Variants in ACOXL observed in about 807,000 individuals in gnomAD.
ACOXL encodes the protein acyl-CoA oxidase like.
A neutral mutation model predicts 71.9 loss-of-function variants in ACOXL; 70 were observed. The observed-to-expected ratio is 0.97, with a 90% CI of 0.80 to 1.19. The LOEUF (loss-of-function observed/expected upper bound fraction) is 1.19, where lower values mean the gene tolerates loss of function less well. Among genes scored for constraint, ACOXL ranks in the 50% most tolerant of loss-of-function variants. The probability of loss-of-function intolerance (pLI) is 0.00; values close to 1 mark genes in which losing one functional copy is unlikely to be tolerated. For missense variants in ACOXL, 703 were observed against 736.3 expected (o/e 0.95, Z 0.52); for synonymous variants, 253 against 281.6 (o/e 0.90, Z 1.02).
intron 10 of ACOXL, among the ~76,000 whole-genome samples, chr2:110,885,579 A>C (rs577956889): frequency 3.3e-5 from 5 of 152,290 alleles, no homozygotes; most frequent in African/African-American, 1.2e-4. Context: ...GGAGAGCTTT[A>C]ATCTGCTTTA....
chr2:110,876,126 C>T (rs968237957), intron 10 of ACOXL, among the ~76,000 whole-genome samples: 4 of 152,220 alleles, frequency 2.6e-5, no homozygotes, highest in South Asian at 4.1e-4. Context: ...AAGGCTTGGA[C>T]GCATCCTCTG....
At chr2:110,821,656 G>T (rs900928087) in intron 9 of ACOXL, among the ~76,000 whole-genome samples, 21 of 152,008 alleles carry the variant, frequency 1.4e-4, no homozygotes, top group African/African-American at 5.1e-4. Flanking sequence ...CTTTTCATAC[G>T]ATCAGCCCAC....
chr2:110,960,129 C>T (rs2061646462), intron 12 of ACOXL, among the ~76,000 whole-genome samples: 1 of 152,050 alleles, frequency 6.6e-6, no homozygotes, highest in Admixed American at 6.5e-5. Context: ...AATGAGGGAG[C>T]CCCCATGGAG....
At chr2:110,881,719 G>A (rs572353569) in intron 10 of ACOXL, among the ~76,000 whole-genome samples, 1 of 152,178 alleles carries the variant, frequency 6.6e-6, no homozygotes, top group African/African-American at 2.4e-5. Context: ...TTTTATGTGG[G>A]TGGAAGAATA....
intron 1 of ACOXL, among the ~76,000 whole-genome samples, chr2:110,759,757 G>A (rs995203002): frequency 2.6e-5 from 4 of 151,940 alleles, no homozygotes; most frequent in African/African-American, 9.7e-5. Flanking sequence ...TTGTTATTTG[G>A]ATTATGTTTA....
intron 16 of ACOXL, among the ~76,000 whole-genome samples, chr2:111,063,697 GT>G (rs566802907): frequency 4.2e-4 from 64 of 152,254 alleles, no homozygotes; most frequent in South Asian, 1.0e-3. Flanking sequence ...ATTGAATGCT[GT>G]CCCCCTAACA....
intron 16 of ACOXL, among the ~76,000 whole-genome samples, chr2:111,053,569 T>G (rs2066400072): frequency 6.6e-6 from 1 of 152,226 alleles, no homozygotes. Context: ...AGACCCTCCC[T>G]GTCCCCACTC....
intron 15 of ACOXL, 49 bp downstream of exon 15, chr2:111,031,763 A>G (rs768375198): frequency 4.5e-6 from 7 of 1,561,742 alleles, no homozygotes; most frequent in Non-Finnish European, 6.2e-6. Flanking sequence ...TCAGGGGTCT[A>G]CGGGTCCCTG....
intron 10 of ACOXL, among the ~76,000 whole-genome samples, chr2:110,871,562 G>T (rs953022813): frequency 1.3e-5 from 2 of 152,018 alleles, no homozygotes; most frequent in African/African-American, 4.8e-5. Flanking sequence ...TGGCTCAACA[G>T]GAATCTTCAG....
intron 14 of ACOXL, among the ~76,000 whole-genome samples, chr2:111,022,649 A>G (rs2064822650): frequency 6.6e-6 from 1 of 152,102 alleles, no homozygotes. Flanking sequence ...TGTTCTGCCC[A>G]CATCAGCCAG....
intron 14 of ACOXL, among the ~76,000 whole-genome samples, chr2:111,029,820 C>T (rs1380209027): frequency 1.3e-5 from 2 of 152,136 alleles, no homozygotes; most frequent in Non-Finnish European, 2.9e-5. Context: ...GCTGGTAGGC[C>T]TTCAAGGGGC....
intron 1 of ACOXL, among the ~76,000 whole-genome samples, chr2:110,758,708 C>T (rs895338436): frequency 7.2e-5 from 11 of 152,006 alleles, no homozygotes; most frequent in Non-Finnish European, 8.8e-5. Context: ...TATTTCTTGT[C>T]TTCTGCTAGC....
At chr2:110,921,900 T>A (rs1251549735) in intron 11 of ACOXL, among the ~76,000 whole-genome samples, 2 of 152,250 alleles carry the variant, frequency 1.3e-5, no homozygotes, top group Non-Finnish European at 2.9e-5. Flanking sequence ...TATTTATAAC[T>A]GCTGTCATGG....
At chr2:110,784,882 T>G in intron 3 of ACOXL, 67 bp downstream of exon 3, 1 of 1,449,716 alleles carries the variant, frequency 6.9e-7, no homozygotes, top group Non-Finnish European at 9.4e-7. Flanking sequence ...GAATGAAAAC[T>G]ATAACCCCGT....
At chr2:110,890,633 A>C (rs187472873) in intron 10 of ACOXL, among the ~76,000 whole-genome samples, 68 of 152,346 alleles carry the variant, frequency 4.5e-4, no homozygotes, top group African/African-American at 1.6e-3. Flanking sequence ...ATATAAGGAT[A>C]TATTTCTAGA....
chr2:110,994,404 C>T (rs1025496833), intron 13 of ACOXL, among the ~76,000 whole-genome samples: 1 of 151,620 alleles, frequency 6.6e-6, no homozygotes, highest in African/African-American at 2.4e-5. Context: ...TGCTTCTTAA[C>T]GTTTCTCTCG....
In ACOXL at chr2:110,995,909, A is replaced by G. The variant is rs754888627; in HGVS notation, c.1186A>G (p.Met396Val). The change falls in exon 14 of 18, where the codon ATG (methionine) becomes GTG (valine). Residue 396 changes from methionine to valine, a missense_variant. Met to Val is a conservative substitution (Grantham distance 21). Coordinates refer to ENST00000439055, the MANE Select transcript of ACOXL (RefSeq NM_001142807.4). ...KLRTSFLAFN[M>V]DTVDDLAFLL... is the part of the protein sequence containing the mutation. ...TTCTTTCAGTTTCCTGGCATTTAAC[A>G]TGGACACAGTTGATGATCTCGCCTT... 6.2e-7 allele frequency: 1 copy of G among 1,613,890 alleles called. No individual in the cohort carries two copies. The highest frequency in any genetic ancestry group is 8.5e-7 in the Non-Finnish European group (1 of 1,179,888).
At chr2:110,980,241 G>T (rs1301726358) in intron 12 of ACOXL, among the ~76,000 whole-genome samples, 1 of 152,248 alleles carries the variant, frequency 6.6e-6, no homozygotes, top group Non-Finnish European at 1.5e-5. Flanking sequence ...CCCAGCAGGG[G>T]CTCAATTAAA....
intron 12 of ACOXL, among the ~76,000 whole-genome samples, chr2:110,951,523 C>G (rs2061333602): frequency 6.6e-6 from 1 of 152,164 alleles, no homozygotes; most frequent in African/African-American, 2.4e-5. Context: ...TGTATTTTAT[C>G]CTTGGCTTTA....
Sources: allele counts gnomAD v4.1 joint callset (sites outside exome capture counted in the v4.1 genomes callset), GRCh38; gene constraint gnomAD v4.1.1; transcripts MANE v1.5; gene names NCBI Gene and HGNC (gene_info 2026-07-23, HGNC 2026-07-21).